Variants in POLR3E observed in about 807,000 individuals in gnomAD.
The protein encoded by POLR3E is DNA-directed RNA polymerase III subunit RPC5.
Under a neutral mutation model 96.6 loss-of-function variants are expected in POLR3E, and 41 were observed. The observed-to-expected ratio is 0.42, with a 90% CI of 0.33 to 0.55. The LOEUF (loss-of-function observed/expected upper bound fraction) is 0.55, where lower values mean the gene tolerates loss of function less well. Ranked by LOEUF, POLR3E falls within the 20% of genes least tolerant of loss-of-function variation. POLR3E has a pLI of 0.06. For synonymous variants in POLR3E, 396 were observed against 383.6 expected, an observed-to-expected ratio of 1.03 and a Z score of -0.38; for missense variants, 849 against 952.1, an observed-to-expected ratio of 0.89 and a Z score of 1.43.
chr16:22,325,821 A>G lies in POLR3E; in HGVS notation c.1409A>G (p.Gln470Arg). The G allele has an allele frequency of 1.2e-6, 2 of 1,609,870 alleles. No individual in the cohort carries two copies. The highest frequency in any genetic ancestry group is 8.5e-7 in the Non-Finnish European group (1 of 1,178,350). Residue 470 changes from glutamine to arginine, a missense_variant, in exon 18 of 21, where the codon CAG becomes CGG. Physicochemically the swap from Gln to Arg is conservative, Grantham distance 43. Transcript: ENST00000299853. Reference protein sequence around the residue: ...RIQVAKTKAQQNHALLERELQ... With the variant: ...RIQVAKTKAQRNHALLERELQ... ...CAAGTAGCCAAAACCAAGGCCCAGC[A>G]GAACCACGCGTTGCTGGAGCGGGAG...
intron 1 of POLR3E, among the ~76,000 whole-genome samples, chr16:22,297,985 G>A (rs1411667222): frequency 1.3e-5 from 2 of 152,236 alleles, no homozygotes; most frequent in Non-Finnish European, 2.9e-5. Context: ...GGCAGGGAGG[G>A]CACCTGCGCC....
At chr16:22,328,798 C>A in intron 19 of POLR3E, 1 of 540,154 alleles carries the variant, frequency 1.9e-6, no homozygotes. Flanking sequence ...TTCCCAGATG[C>A]CAGTCTGTGA....
rs1002939811 is a variant in POLR3E at position 22,318,668 on chromosome 16, C to G, written c.866-158C>G. On this transcript the variant is annotated intron_variant, in intron 12 of 20. Coordinates refer to ENST00000299853, the MANE Select transcript of POLR3E (RefSeq NM_018119.4). This position sits in a 1 kb window ranked among gnomAD's most constrained non-coding sequence, Gnocchi z 5.0. ...CCAGTGCCTGGCATGTAGTGAGCAG[C>G]CTGAGAGTGTCAGCTGTTGGCTATG... Among the ~76,000 whole-genome samples, 4 of 152,042 alleles carry G rather than the reference C, an allele frequency of 2.6e-5. No individual in the cohort carries two copies. Among genetic ancestry groups the G allele is most frequent in the African/African-American group, 9.7e-5 (4 of 41,400 alleles).
chr16:22,311,912 C>T (rs942843456), intron 6 of POLR3E, among the ~76,000 whole-genome samples: 2 of 152,140 alleles, frequency 1.3e-5, no homozygotes, highest in African/African-American at 2.4e-5. Context: ...AGAGCCGAGG[C>T]GTGTAGTAGG....
At chr16:22,319,077 C>T (rs2048418652) in intron 13 of POLR3E, 131 bp downstream of exon 13, 1 of 571,382 alleles carries the variant, frequency 1.8e-6, no homozygotes, top group African/African-American at 1.9e-5. Context: ...CAGGTCCAAG[C>T]AACTCTCCTG....
At chr16:22,312,589 G>A (rs577077730) in intron 6 of POLR3E, among the ~76,000 whole-genome samples, 1 of 152,222 alleles carries the variant, frequency 6.6e-6, no homozygotes, top group Admixed American at 6.5e-5. Flanking sequence ...AGGCGCGGCC[G>A]GGCGCAGTGG....
rs745525471 is a variant in POLR3E at position 22,318,777 on chromosome 16, A to G, written c.866-49A>G. On this transcript the variant is annotated intron_variant, in intron 12 of 20. Coordinates refer to ENST00000299853, the MANE Select transcript of POLR3E (RefSeq NM_018119.4). This position sits in a 1 kb window ranked among gnomAD's most constrained non-coding sequence, Gnocchi z 5.0. ...TGCGGACTCTCGGTGGAGGGGAGGG[A>G]AGGGCCCGGCCCCTCTTCCTTGTCT... The G allele has an allele frequency of 7.7e-6, 12 of 1,568,354 alleles. No individual in the cohort carries two copies. Among genetic ancestry groups the G allele is most frequent in the Admixed American group, 1.8e-5 (1 of 54,564 alleles).
intron 1 of POLR3E, among the ~76,000 whole-genome samples, chr16:22,298,510 C>T (rs563481562): frequency 4.7e-4 from 72 of 152,280 alleles, no homozygotes; most frequent in Admixed American, 7.2e-4. Flanking sequence ...GGGAGGAATA[C>T]CAAACCCAGA....
intron 17 of POLR3E, 112 bp from the exon 18 acceptor site, chr16:22,325,649 G>A: frequency 7.8e-7 from 1 of 1,288,416 alleles, no homozygotes; most frequent in Non-Finnish European, 1.0e-6. Context: ...TTCGAGAAAG[G>A]TTGGGGATGA....
In POLR3E at chr16:22,318,691, A is replaced by T; in HGVS notation, c.866-135A>T. The T allele has an allele frequency of 1.2e-6, 1 of 842,988 alleles. No homozygotes were observed. The allele number at this position is 842,988 out of a possible 1,614,324, so 52.2% of individuals were successfully genotyped here. On this transcript the variant is annotated intron_variant, in intron 12 of 20. Transcript: ENST00000299853. This position sits in a 1 kb window ranked among gnomAD's most constrained non-coding sequence, Gnocchi z 5.0. ...AGCCTGAGAGTGTCAGCTGTTGGCTATGATGGGTGTCATTACTGTTAGTTA... is the reference window on the plus strand; with the variant it reads ...AGCCTGAGAGTGTCAGCTGTTGGCTTTGATGGGTGTCATTACTGTTAGTTA...
intron 13 of POLR3E, among the ~76,000 whole-genome samples, chr16:22,321,419 G>C (rs778924187): frequency 3.3e-5 from 5 of 152,240 alleles, no homozygotes; most frequent in Non-Finnish European, 7.3e-5. Flanking sequence ...TGGCGCCCTT[G>C]CACTGCTCCA....
At position 22,310,891 on chromosome 16, in the gene POLR3E, C is replaced by T. The variant is rs563578444; in HGVS notation, c.364+1381C>T. On this transcript the variant is annotated intron_variant, in intron 6 of 20. Transcript: ENST00000299853. ...AAGCTGAGATTCCGCCATTGCACTCCAGCCTGGGCAATAGAGCAAGACTCT... is the reference window on the plus strand; with the variant it reads ...AAGCTGAGATTCCGCCATTGCACTCTAGCCTGGGCAATAGAGCAAGACTCT... Among the ~76,000 whole-genome samples, 11 of 152,182 alleles carry T rather than the reference C, an allele frequency of 7.2e-5. No individual in the cohort carries two copies. In the East Asian group the frequency reaches 1.9e-3, roughly 27 times the overall value.
rs2048777538 is a variant in POLR3E, at chr16:22,333,107, T to C, written c.2071-537T>C. ...CTCCTGCCTCAGCCTCCTAAGTAGC[T>C]GGGATTACAGGTGTGAGCCACCATG... is the stretch of plus-strand genomic sequence containing the variant. On this transcript the variant is annotated intron_variant, in intron 20 of 20. Coordinates refer to ENST00000299853, the MANE Select transcript of POLR3E (RefSeq NM_018119.4). Among the ~76,000 whole-genome samples, 4 of 148,034 alleles carry C rather than the reference T, an allele frequency of 2.7e-5. No homozygotes were observed. In the South Asian group the frequency reaches 8.9e-4, roughly 33 times the overall value.
intron 6 of POLR3E, among the ~76,000 whole-genome samples, chr16:22,311,664 T>A (rs577196333): frequency 1.1e-4 from 17 of 152,036 alleles, no homozygotes; most frequent in East Asian, 3.9e-4. Context: ...GCTAATTTTT[T>A]AAAAAATTTT....
chr16:22,326,288 G>C lies in POLR3E; in HGVS notation c.1866+10G>C, dbSNP rs779670206. On this transcript the variant is annotated intron_variant, in intron 18 of 20. Coordinates refer to ENST00000299853, the MANE Select transcript of POLR3E (RefSeq NM_018119.4). Reference sequence around the variant, plus strand: ...GCAGATACTGGTGCCTGTAAGTAGAGCCCTGCCTGCCAGGGGCATGGGGGG... The same window carrying C: ...GCAGATACTGGTGCCTGTAAGTAGACCCCTGCCTGCCAGGGGCATGGGGGG... The C allele has an allele frequency of 1.4e-4, 103 of 761,822 alleles. No homozygotes were observed. Among genetic ancestry groups the C allele is most frequent in the Admixed American group, 4.5e-5 (2 of 44,478 alleles). The allele number at this position is 761,822 out of a possible 1,614,324, so 47.2% of individuals were successfully genotyped here. A position where few individuals can be genotyped will look rare whatever the true frequency, so the allele number is the denominator to read the frequency against.
chr16:22,322,182 G>A lies in POLR3E; in HGVS notation c.987-668G>A, dbSNP rs910760006. 6.6e-6 allele frequency among the ~76,000 whole-genome samples: 1 copy of A among 152,216 alleles called. No homozygotes were observed. Among genetic ancestry groups the A allele is most frequent in the Non-Finnish European group, 1.5e-5 (1 of 68,032 alleles). On this transcript the variant is annotated intron_variant, in intron 13 of 20. Transcript: ENST00000299853. This position sits in a 1 kb window ranked among gnomAD's most constrained non-coding sequence, Gnocchi z 5.2. ...TGGTTGCCAGGTGGACCTGAGCAGGGGGAGGAGGAGGGCTTGGCAGCAGAG... is the reference window on the plus strand; with the variant it reads ...TGGTTGCCAGGTGGACCTGAGCAGGAGGAGGAGGAGGGCTTGGCAGCAGAG...
chr16:22,303,123 G>C (rs2048061542), intron 2 of POLR3E, 119 bp downstream of exon 2: 2 of 944,174 alleles, frequency 2.1e-6, no homozygotes, highest in Admixed American at 1.7e-5. Flanking sequence ...AACCCTTGCT[G>C]TTCCCTCTGC....
intron 1 of POLR3E, among the ~76,000 whole-genome samples, chr16:22,301,598 G>A (rs1223546147): frequency 6.6e-6 from 1 of 151,182 alleles, no homozygotes; most frequent in African/African-American, 2.4e-5. Context: ...ATAAATATTA[G>A]ATAGTTCAAA....
intron 2 of POLR3E, 109 bp from the exon 3 acceptor site, chr16:22,305,046 AC>A (rs1339835749): frequency 4.8e-6 from 4 of 831,096 alleles, no homozygotes; most frequent in Non-Finnish European, 8.5e-6. Flanking sequence ...CCTTCCCCAA[AC>A]TGCTTCCCTG....
Sources: allele counts gnomAD v4.1 joint callset (sites outside exome capture counted in the v4.1 genomes callset), GRCh38; gene constraint gnomAD v4.1.1; non-coding constraint Gnocchi (gnomAD v3.1); transcripts MANE v1.5; gene names NCBI Gene and HGNC (gene_info 2026-07-23, HGNC 2026-07-21).